Variants in AZIN1 observed in about 807,000 individuals in gnomAD.
AZIN1 encodes ornithine decarboxylase antizyme inhibitor.
A neutral mutation model predicts 47.4 loss-of-function variants in AZIN1; 12 were observed. That is an observed-to-expected ratio of 0.25 (90% confidence interval 0.16 to 0.41). The LOEUF is 0.41. AZIN1 is among the 10% of genes least tolerant of loss of function. The pLI is 1.00. For missense variants in AZIN1, 410 were observed against 532.4 expected (o/e 0.77, Z 2.26); for synonymous variants, 155 against 176.3 (o/e 0.88, Z 0.96).
At chr8:102,848,439 A>C (rs1378863473) in intron 2 of AZIN1, among the ~76,000 whole-genome samples, 1 of 151,714 alleles carries the variant, frequency 6.6e-6, no homozygotes, top group Non-Finnish European at 1.5e-5. Context: ...GGGTCTCACT[A>C]TATTGGCCAG....
chr8:102,837,904 A>G (rs1422057653), intron 5 of AZIN1, among the ~76,000 whole-genome samples: 1 of 152,256 alleles, frequency 6.6e-6, no homozygotes, highest in Non-Finnish European at 1.5e-5. Flanking sequence ...TTGTGAAAAC[A>G]TAAAATTTGC....
At chr8:102,861,895 T>G (rs556301873) in intron 1 of AZIN1, among the ~76,000 whole-genome samples, 1 of 151,962 alleles carries the variant, frequency 6.6e-6, no homozygotes, top group South Asian at 2.1e-4. Context: ...AAAAATTAGC[T>G]GGGCGTGGTG....
chr8:102,839,882 T>C (rs1812069141), intron 3 of AZIN1, 59 bp from the exon 4 acceptor site: 1 of 1,320,206 alleles, frequency 7.6e-7, no homozygotes, highest in Non-Finnish European at 1.0e-6. Flanking sequence ...AAATCAAGTA[T>C]CAAAACAGGA....
chr8:102,839,912 C>G, intron 3 of AZIN1, 89 bp from the exon 4 acceptor site: 1 of 897,348 alleles, frequency 1.1e-6, no homozygotes, highest in Non-Finnish European at 1.7e-6. Flanking sequence ...TCTTTTCCTC[C>G]ACAAATATAT....
In AZIN1 at chr8:102,834,722, C is replaced by G. The variant is rs1322695975; in HGVS notation, c.610G>C (p.Glu204Gln). The change falls in exon 7 of 12, where the codon GAA (glutamate) becomes CAA (glutamine). Residue 204 changes from glutamate (E) to glutamine (Q), a missense_variant. Glu to Gln is a conservative substitution (Grantham distance 29). Around this residue, in one of 3 missense-constraint regions of AZIN1, gnomAD observed 237 missense variants for 309.4 expected, o/e 0.77. Coordinates refer to ENST00000337198, the MANE Select transcript of AZIN1 (RefSeq NM_148174.4). The part of the protein sequence containing the change: ...VKFHVSSACK[E>Q]SQVYVHALSD... ...AGAGCATGTACATATACTTGAGATT[C>G]TTTGCAAGCACTCGAAACATGAAAT... 6.2e-7 allele frequency: 1 copy of G among 1,612,186 alleles called. No homozygotes were observed. The highest frequency in any genetic ancestry group is 8.5e-7 in the Non-Finnish European group (1 of 1,178,946).
At chr8:102,862,109 G>C (rs1158552959) in intron 1 of AZIN1, among the ~76,000 whole-genome samples, 2 of 152,042 alleles carry the variant, frequency 1.3e-5, no homozygotes, top group African/African-American at 4.8e-5. Context: ...AACTTTTGAG[G>C]GTGATGGCGA....
At chr8:102,864,182 A>G (rs2131304136), upstream of AZIN1, 1 of 182,208 alleles carries the variant, frequency 5.5e-6, no homozygotes, top group South Asian at 9.2e-5. Context: ...GGCGCCAGCG[A>G]CGCCAGTATT....
chr8:102,844,172 C>CAGT lies in AZIN1; in HGVS notation c.-95-426_-95-425insACT, dbSNP rs1471417048. Among the ~76,000 whole-genome samples, 29 of 152,288 alleles carry CAGT rather than the reference C, an allele frequency of 1.9e-4. 1 individual carries two copies. The highest frequency in any genetic ancestry group is 1.9e-3 in the Admixed American group (29 of 15,298). On this transcript the variant is annotated intron_variant, in intron 2 of 11. Coordinates refer to ENST00000337198, the MANE Select transcript of AZIN1 (RefSeq NM_148174.4). ...TCAACTTCCAATATACTGTCAGCCA[C>CAGT]GTATTAGCACTGCCAGGTAATTGCA...
intron 11 of AZIN1, 76 bp from the exon 12 acceptor site, chr8:102,828,754 A>C (rs1464991431): frequency 3.4e-6 from 3 of 879,694 alleles, no homozygotes; most frequent in South Asian, 3.2e-5. Context: ...ATGGATAATA[A>C]AACAGGATTA....
chr8:102,838,947 T>A, intron 4 of AZIN1, 31 bp from the exon 5 acceptor site: 1 of 1,583,288 alleles, frequency 6.3e-7, no homozygotes, highest in Non-Finnish European at 8.6e-7. Flanking sequence ...TGAGAATACA[T>A]AATGTCACAG....
rs576262414 is a variant in AZIN1 at position 102,841,837 on chromosome 8, G to A, written c.102+1714C>T. The stretch of plus-strand genomic sequence containing the variant: ...AAAAAAAAAAAAGACCAGGCTGGGC[G>A]CGGTGGCTCGCGCCTGTAATCCCAG... On this transcript the variant is annotated intron_variant, in intron 3 of 11. Coordinates refer to ENST00000337198, the MANE Select transcript of AZIN1 (RefSeq NM_148174.4). Among the ~76,000 whole-genome samples the A allele has an allele frequency of 1.7e-3, 254 of 149,856 alleles. 1 individual carries two copies. Among genetic ancestry groups the A allele is most frequent in the African/African-American group, 5.8e-3 (236 of 40,956 alleles).
In AZIN1 at chr8:102,831,952, A is replaced by G. The variant is rs1209521994; in HGVS notation, c.904+1104T>C. On this transcript the variant is annotated intron_variant, in intron 9 of 11. Coordinates refer to ENST00000337198, the MANE Select transcript of AZIN1 (RefSeq NM_148174.4). ...CCTGGGCGACAAAACAACAAGAAAA[A>G]ACACCTAGCATCATCAATATTAGAA... is the stretch of plus-strand genomic sequence containing the variant. 3.3e-5 allele frequency among the ~76,000 whole-genome samples: 5 copies of G among 152,064 alleles called. No homozygotes were observed. In the East Asian group the frequency reaches 9.6e-4, roughly 29 times the overall value.
chr8:102,844,557 A>G (rs911068437), intron 2 of AZIN1, among the ~76,000 whole-genome samples: 6 of 152,036 alleles, frequency 3.9e-5, no homozygotes, highest in Admixed American at 6.6e-5. Flanking sequence ...CGTCCTGGCT[A>G]TATCATTTAG....
At chr8:102,856,753 T>C (rs917412986) in intron 2 of AZIN1, among the ~76,000 whole-genome samples, 2 of 152,220 alleles carry the variant, frequency 1.3e-5, no homozygotes, top group Non-Finnish European at 2.9e-5. Flanking sequence ...TCAGGTATGT[T>C]GCAAATAGAA....
chr8:102,834,810 T>C, intron 6 of AZIN1, 63 bp from the exon 7 acceptor site: 1 of 1,084,306 alleles, frequency 9.2e-7, no homozygotes, highest in Admixed American at 2.0e-5. Flanking sequence ...TCCTGTAATT[T>C]CTTTCAACTG....
chr8:102,834,683 A>T lies in AZIN1; in HGVS notation c.649T>A (p.Cys217Ser). The T allele has an allele frequency of 6.2e-7, 1 of 1,608,980 alleles. No individual in the cohort carries two copies. The part of the protein sequence containing the change: ...VYVHALSDAR[C>S]VFDMAGEIGF... ...GAACTTACAGCCATGTCAAACACAC[A>T]TCGAGCATCAGATAGAGCATGTACA... Residue 217 changes from cysteine (C) to serine (S), a missense_variant, in exon 7 of 12, where the codon TGT becomes AGT. By Grantham distance (112) the Cys-to-Ser change is moderately radical. Transcript: ENST00000337198.
Position 102,839,664 on chromosome 8 carries a change from C to A in AZIN1, c.262G>T (p.Ala88Ser). The change falls in exon 4 of 12, where the codon GCT (alanine) becomes TCT (serine). Residue 88 changes from alanine to serine, a missense_variant. By Grantham distance (99) the Ala-to-Ser change is moderately conservative. This residue lies in a region of AZIN1 where 237 missense variants were observed against 309.4 expected (regional missense o/e 0.77). Transcript: ENST00000337198. Reference protein sequence around the residue: ...EILAALGTGFACSSKNEMALV... With the variant: ...EILAALGTGFSCSSKNEMALV... ...AAAATACTTACTTTACTGGAACAAGCAAATCCGGTTCCAAGAGCTGCCAAA... is the reference window on the plus strand; with the variant it reads ...AAAATACTTACTTTACTGGAACAAGAAAATCCGGTTCCAAGAGCTGCCAAA... 6.4e-7 allele frequency: 1 copy of A among 1,561,254 alleles called. No homozygotes were observed. The highest frequency in any genetic ancestry group is 2.3e-5 in the East Asian group (1 of 43,630).
Position 102,854,238 on chromosome 8 carries a change from G to A in AZIN1, c.-96+3775C>T, listed in dbSNP as rs1011880579. Among the ~76,000 whole-genome samples, 5 of 151,734 alleles carry A rather than the reference G, an allele frequency of 3.3e-5. No homozygotes were observed. In the South Asian group the frequency reaches 6.3e-4, roughly 19 times the overall value. On this transcript the variant is annotated intron_variant, in intron 2 of 11. Coordinates refer to ENST00000337198, the MANE Select transcript of AZIN1 (RefSeq NM_148174.4). The stretch of plus-strand genomic sequence containing the variant: ...ATAGGTGTGAGGCACCGCACCCAGC[G>A]GACAACCTCCCTTTCCTACTGATAA...
chr8:102,839,996 ACT>A (rs372441573), intron 3 of AZIN1, among the ~76,000 whole-genome samples, 173 bp from the exon 4 acceptor site: 45 of 152,278 alleles, frequency 3.0e-4, no homozygotes, highest in African/African-American at 9.4e-4. Context: ...ATTAAAAGAG[ACT>A]CTGAATACAT....
Sources: allele counts gnomAD v4.1 joint callset (sites outside exome capture counted in the v4.1 genomes callset), GRCh38; gene constraint gnomAD v4.1.1; regional missense constraint gnomAD v4.1.1; transcripts MANE v1.5; gene names NCBI Gene and HGNC (gene_info 2026-07-23, HGNC 2026-07-21).